SOX5: variants seen among roughly 807,000 people sequenced by gnomAD.
SOX5 encodes SRY-box transcription factor 5.
In SOX5, 9 loss-of-function variants were observed where a neutral mutation model predicts 92.0. The observed-to-expected ratio is 0.10, with a 90% CI of 0.06 to 0.17. SOX5 has a LOEUF of 0.17. Among genes scored for constraint, SOX5 ranks in the 10% least tolerant of loss-of-function variants. SOX5 has a pLI of 1.00. For synonymous variants in SOX5, 344 were observed against 336.3 expected, an observed-to-expected ratio of 1.02 and a Z score of -0.25; for missense variants, 642 against 944.5, an observed-to-expected ratio of 0.68 and a Z score of 4.20.
At chr12:23,658,547 T>C (rs2139243067) in intron 7 of SOX5, among the ~76,000 whole-genome samples, 1 of 152,290 alleles carries the variant, frequency 6.6e-6, no homozygotes, top group East Asian at 1.9e-4. Context: ...TATAAACTTC[T>C]GGGAAGGCAG....
intron 4 of SOX5, among the ~76,000 whole-genome samples, chr12:24,188,907 G>A (rs888542631): frequency 2.1e-4 from 32 of 152,176 alleles, no homozygotes; most frequent in African/African-American, 7.5e-4. Flanking sequence ...TAATGAAGCA[G>A]TTGTGTAGTT....
chr12:23,743,353 A>C (rs2093867196), intron 4 of SOX5, among the ~76,000 whole-genome samples: 1 of 151,982 alleles, frequency 6.6e-6, no homozygotes, highest in East Asian at 1.9e-4. Flanking sequence ...TCTGTCACCC[A>C]GGCTGGAGTA....
chr12:24,167,119 G>A (rs1043054867), intron 4 of SOX5, among the ~76,000 whole-genome samples: 1 of 152,100 alleles, frequency 6.6e-6, no homozygotes, highest in Non-Finnish European at 1.5e-5. Flanking sequence ...ATTTTATTCA[G>A]TTCTTGTCTG....
intron 2 of SOX5, among the ~76,000 whole-genome samples, chr12:24,320,862 C>T (rs921813635): frequency 8.0e-6 from 1 of 125,516 alleles, no homozygotes; most frequent in African/African-American, 3.7e-5. Flanking sequence ...AAGACTCTGT[C>T]TCAAAAAAAA....
intron 4 of SOX5, among the ~76,000 whole-genome samples, chr12:24,097,459 T>C (rs553587617): frequency 1.1e-3 from 162 of 151,842 alleles, no homozygotes; most frequent in Non-Finnish European, 2.0e-3. Context: ...GTCATGAACA[T>C]TTACCCCTAT....
At chr12:24,322,634 T>C (rs1280211794) in intron 2 of SOX5, among the ~76,000 whole-genome samples, 1 of 152,140 alleles carries the variant, frequency 6.6e-6, no homozygotes, top group Non-Finnish European at 1.5e-5. Context: ...ACAAACATTA[T>C]ACTGAATTAT....
intron 9 of SOX5, among the ~76,000 whole-genome samples, chr12:23,593,271 G>C (rs932652995): frequency 1.3e-5 from 2 of 152,148 alleles, no homozygotes; most frequent in East Asian, 3.9e-4. Flanking sequence ...TTATACCACT[G>C]CATCTGTTGA....
intron 1 of SOX5, among the ~76,000 whole-genome samples, chr12:24,442,939 A>G (rs1255833598): frequency 6.9e-6 from 1 of 144,658 alleles, no homozygotes; most frequent in Non-Finnish European, 1.5e-5. Context: ...TTGTAAATTT[A>G]AGTTTATAAT....
chr12:24,099,254 C>T (rs561153118), intron 4 of SOX5, among the ~76,000 whole-genome samples: 2 of 152,256 alleles, frequency 1.3e-5, no homozygotes, highest in Admixed American at 6.5e-5. Context: ...GTTGGCCCTA[C>T]CCTTTGTGGG....
At chr12:23,567,133 C>T (rs1010815968) in intron 10 of SOX5, among the ~76,000 whole-genome samples, 11 of 152,184 alleles carry the variant, frequency 7.2e-5, no homozygotes. Flanking sequence ...GAGGGGATGT[C>T]ATTCCTTGGC....
chr12:24,158,888 G>C (rs963544589), intron 4 of SOX5, among the ~76,000 whole-genome samples: 2 of 151,816 alleles, frequency 1.3e-5, no homozygotes, highest in Admixed American at 6.6e-5. Context: ...TTAAATTTTT[G>C]AGATGTTCTT....
At chr12:23,653,030 A>AGACG (rs2081843114) in intron 7 of SOX5, among the ~76,000 whole-genome samples, 1 of 115,762 alleles carries the variant, frequency 8.6e-6, no homozygotes, top group Non-Finnish European at 1.9e-5. Context: ...ATGTACAGAT[A>AGACG]GATGGATGGA....
intron 1 of SOX5, among the ~76,000 whole-genome samples, chr12:24,383,781 G>A (rs1247560034): frequency 1.3e-5 from 2 of 152,132 alleles, no homozygotes; most frequent in African/African-American, 4.8e-5. Flanking sequence ...CTGGGGCTTG[G>A]GGAGTGGTTT....
intron 4 of SOX5, among the ~76,000 whole-genome samples, chr12:24,158,493 G>C (rs1454797271): frequency 6.6e-6 from 1 of 151,752 alleles, no homozygotes; most frequent in Non-Finnish European, 1.5e-5. Context: ...TAACTTTCTT[G>C]GTATGTCAAA....
intron 4 of SOX5, among the ~76,000 whole-genome samples, chr12:24,065,525 T>C (rs4963743): frequency 0.4 from 59,943 of 150,894 alleles, 12,279 homozygotes; most frequent in Non-Finnish European, 0.45. Context: ...TGCACACCTG[T>C]AGTCCCAGCT....
At chr12:23,673,627 G>A (rs2085159944) in intron 6 of SOX5, among the ~76,000 whole-genome samples, 1 of 151,970 alleles carries the variant, frequency 6.6e-6, no homozygotes, top group Non-Finnish European at 1.5e-5. Flanking sequence ...GTGATGCTTT[G>A]CCCAATGGTT....
At chr12:23,589,326 T>C (rs1355180074) in intron 9 of SOX5, among the ~76,000 whole-genome samples, 1 of 151,968 alleles carries the variant, frequency 6.6e-6, no homozygotes, top group Non-Finnish European at 1.5e-5. Flanking sequence ...AGGCTGTGCC[T>C]TTCATTTCAG....
intron 1 of SOX5, among the ~76,000 whole-genome samples, chr12:24,545,019 G>A (rs140341835): frequency 4.9e-4 from 74 of 151,984 alleles, no homozygotes; most frequent in Middle Eastern, 6.8e-3. Flanking sequence ...TTTTATTGAC[G>A]GTTTATATAC....
intron 4 of SOX5, among the ~76,000 whole-genome samples, chr12:23,999,292 C>T (rs1951367353): frequency 6.6e-6 from 1 of 151,686 alleles, no homozygotes; most frequent in Non-Finnish European, 1.5e-5. Context: ...CTGTGGTTAC[C>T]AATGGTGAAG....
Sources: allele counts gnomAD v4.1 joint callset (sites outside exome capture counted in the v4.1 genomes callset), GRCh38; gene constraint gnomAD v4.1.1; transcripts MANE v1.5; gene names NCBI Gene and HGNC (gene_info 2026-07-23, HGNC 2026-07-21).